GLIS3: variants seen among roughly 807,000 people sequenced by gnomAD.
GLIS3 encodes the protein GLIS family zinc finger 3.
In GLIS3, 53 loss-of-function variants were observed where a neutral mutation model predicts 78.6. That is an observed-to-expected ratio of 0.67 (90% CI 0.54 to 0.85). The LOEUF (loss-of-function observed/expected upper bound fraction) is 0.85. GLIS3 is among the 40% of genes least tolerant of loss of function. GLIS3 has a pLI of 0.00. For synonymous variants in GLIS3, 684 were observed against 509.9 expected (o/e 1.34, Z -4.60); for missense variants, 1,703 against 1,231.1 (o/e 1.38, Z -5.74).
Position 4,296,559 on chromosome 9 carries a change from C to G in GLIS3, c.-99+2862G>C, listed in dbSNP as rs531117787. ...AGCAAACCAACAAACCCTAGGTATT[C>G]AACCTCTGATAACCTGCCTACTAAG... On this transcript the variant is annotated intron_variant, in intron 1 of 10. Transcript: ENST00000381971. 3.9e-5 allele frequency among the ~76,000 whole-genome samples: 6 copies of G among 152,240 alleles called. No individual in the cohort carries two copies. In the South Asian group the frequency reaches 1.2e-3, roughly 32 times the overall value.
intron 2 of GLIS3, among the ~76,000 whole-genome samples, chr9:4,324,434 T>A (rs570312816): frequency 1.1e-3 from 162 of 152,326 alleles, no homozygotes; most frequent in African/African-American, 3.8e-3. Flanking sequence ...CCTAGACACC[T>A]CACGGGATTG....
rs113565476 is a variant in GLIS3 at position 3,852,337 on chromosome 9, G to T, written c.2473+3672C>A. Among the ~76,000 whole-genome samples, 1,041 of 152,216 alleles carry T rather than the reference G, an allele frequency of 6.8e-3. 6 individuals carry two copies. The highest frequency in any genetic ancestry group is 0.02 in the African/African-American group (819 of 41,536). On this transcript the variant is annotated intron_variant, in intron 9 of 10. Coordinates refer to ENST00000381971, the MANE Select transcript of GLIS3 (RefSeq NM_001042413.2). The stretch of plus-strand genomic sequence containing the variant: ...CAGGGAGTATAGAAGAAATGGGGGT[G>T]ACTACACTCATTAAAACCACGAAGT...
upstream of GLIS3, among the ~76,000 whole-genome samples, chr9:4,349,329 A>C (rs1019137737): frequency 2.6e-5 from 4 of 152,380 alleles, no homozygotes; most frequent in Non-Finnish European, 5.9e-5. Flanking sequence ...TGACCCATAA[A>C]AGCCAGGCAT....
chr9:3,930,145 A>T (rs1389322574), intron 6 of GLIS3, among the ~76,000 whole-genome samples: 1 of 152,238 alleles, frequency 6.6e-6, no homozygotes, highest in Admixed American at 6.5e-5. Flanking sequence ...TGGATTCATA[A>T]AGAATTTTTA....
chr9:4,234,767 G>A (rs960263125), intron 2 of GLIS3, among the ~76,000 whole-genome samples: 3 of 152,122 alleles, frequency 2.0e-5, no homozygotes, highest in Non-Finnish European at 4.4e-5. Context: ...ATAAAATGAG[G>A]TATGCTTGTA....
At chr9:4,144,222 T>TAG (rs1422734600) in intron 2 of GLIS3, among the ~76,000 whole-genome samples, 2 of 152,146 alleles carry the variant, frequency 1.3e-5, no homozygotes, top group African/African-American at 4.8e-5. Flanking sequence ...GAGGAAAGAA[T>TAG]AGAGTCCGAA....
At chr9:4,204,349 T>G (rs1220484502) in intron 2 of GLIS3, among the ~76,000 whole-genome samples, 1 of 152,168 alleles carries the variant, frequency 6.6e-6, no homozygotes, top group Non-Finnish European at 1.5e-5. Context: ...AACCATCTGA[T>G]ACACTTTCAG....
intron 2 of GLIS3, among the ~76,000 whole-genome samples, chr9:4,243,606 C>T (rs1318860470): frequency 6.6e-6 from 1 of 152,102 alleles, no homozygotes; most frequent in African/African-American, 2.4e-5. Flanking sequence ...TAGCCTAGAC[C>T]TTGGAAGAAA....
intron 9 of GLIS3, among the ~76,000 whole-genome samples, chr9:3,843,279 A>G (rs929080654): frequency 3.3e-5 from 5 of 152,064 alleles, no homozygotes; most frequent in African/African-American, 1.2e-4. Context: ...GTGGGCCCCT[A>G]CCTCATCCTT....
At chr9:4,444,178 G>T in the GLIS3 span, among the ~76,000 whole-genome samples, 1 of 152,198 alleles carries the variant, frequency 6.6e-6, no homozygotes. Flanking sequence ...ATTCAATTCA[G>T]ACTGCCCTTG....
In GLIS3 at chr9:4,125,794, C is replaced by A. The variant is rs1832529434; in HGVS notation, c.536G>T (p.Ser179Ile). Residue 179 changes from serine (S) to isoleucine (I), a missense_variant, in exon 3 of 11, where the codon AGT (serine) becomes ATT (isoleucine). Transcript: ENST00000381971. Reference protein sequence around the residue: ...SQVSTACNQISPSLQRAMNAA... With the variant: ...SQVSTACNQIIPSLQRAMNAA... ...ATTCATTGCCCTCTGTAAGCTAGGA[C>A]TGATCTGGTTGCATGCTGTAGAGAC... The A allele has an allele frequency of 1.2e-6, 2 of 1,614,042 alleles. No individual in the cohort carries two copies. Among genetic ancestry groups the A allele is most frequent in the Admixed American group, 1.7e-5 (1 of 59,998 alleles).
chr9:4,356,604 T>C, the GLIS3 span, among the ~76,000 whole-genome samples: 1 of 152,360 alleles, frequency 6.6e-6, no homozygotes, highest in Non-Finnish European at 1.5e-5. Flanking sequence ...TTGCAGCTAT[T>C]GCTTTTAAAA....
intron 4 of GLIS3, chr9:4,034,733 C>T (rs77350210): frequency 3.3e-5 from 5 of 152,170 alleles, no homozygotes; most frequent in African/African-American, 1.2e-4. Flanking sequence ...CTCAGGAGCC[C>T]TTTAACCTCA....
At chr9:4,307,786 G>A (rs1247738039) in intron 4 of GLIS3, among the ~76,000 whole-genome samples, 2 of 152,062 alleles carry the variant, frequency 1.3e-5, no homozygotes, top group Admixed American at 1.3e-4. Flanking sequence ...CAAGGAATAT[G>A]GGCAGCTCTA....
chr9:4,064,484 T>G (rs1826926827), intron 4 of GLIS3, among the ~76,000 whole-genome samples: 1 of 152,222 alleles, frequency 6.6e-6, no homozygotes. Flanking sequence ...TATGGGGTTC[T>G]GCAATTTTTA....
chr9:4,210,656 G>A (rs898008414), intron 2 of GLIS3, among the ~76,000 whole-genome samples: 2 of 152,118 alleles, frequency 1.3e-5, no homozygotes, highest in Admixed American at 6.5e-5. Flanking sequence ...AGGCTTTCTG[G>A]GAAATGACAG....
At chr9:4,094,686 G>A (rs1190197935) in intron 4 of GLIS3, among the ~76,000 whole-genome samples, 3 of 152,126 alleles carry the variant, frequency 2.0e-5, no homozygotes, top group African/African-American at 7.2e-5. Context: ...AAAGGACCAT[G>A]CCTGTACATT....
At chr9:4,113,453 G>A (rs1831390919) in intron 4 of GLIS3, among the ~76,000 whole-genome samples, 1 of 152,088 alleles carries the variant, frequency 6.6e-6, no homozygotes, top group Admixed American at 6.5e-5. Flanking sequence ...CTCCAACAAC[G>A]TTAAAGGGTA....
At chr9:4,416,852 C>T in the GLIS3 span, among the ~76,000 whole-genome samples, 1 of 122,352 alleles carries the variant, frequency 8.2e-6, no homozygotes, top group African/African-American at 3.1e-5. Flanking sequence ...GAGTTTCACT[C>T]TTGTTGCCCA....
Sources: allele counts gnomAD v4.1 joint callset (sites outside exome capture counted in the v4.1 genomes callset), GRCh38; gene constraint gnomAD v4.1.1; transcripts MANE v1.5; gene names NCBI Gene and HGNC (gene_info 2026-07-23, HGNC 2026-07-21).